ARHGAP30: variants seen among roughly 807,000 people sequenced by gnomAD.
ARHGAP30 encodes Rho GTPase activating protein 30, also known as rho GTPase-activating protein 30.
A neutral mutation model predicts 72.0 loss-of-function variants in ARHGAP30; 23 were observed. The observed-to-expected ratio is 0.32, with a 90% confidence interval of 0.23 to 0.45. The LOEUF (loss-of-function observed/expected upper bound fraction) is 0.45, where lower values mean the gene tolerates loss of function less well. Among genes scored for constraint, ARHGAP30 ranks in the 20% least tolerant of loss-of-function variants. ARHGAP30 has a pLI of 1.00. For synonymous variants in ARHGAP30, 576 were observed against 528.2 expected (o/e 1.09, Z -1.24); for missense variants, 1,319 against 1,383.4 (o/e 0.95, Z 0.74).
At chr1:161,064,851 AAAGGAAGGAGAGG>A (rs1652642404) in intron 1 of ARHGAP30, among the ~76,000 whole-genome samples, 1 of 80,280 alleles carries the variant, frequency 1.2e-5, no homozygotes, top group African/African-American at 4.0e-5. Context: ...GAAAGAAAGG[AAAGGAAGGAGAGG>A]AAGGAGAGGA....
chr1:161,053,021 C>T lies in ARHGAP30; in HGVS notation c.665-224G>A, dbSNP rs551436399. 4 of 834,724 alleles carry T rather than the reference C, an allele frequency of 4.8e-6. No homozygotes were observed. In the South Asian group the frequency reaches 7.3e-5, roughly 15 times the overall value. The allele number at this position is 834,724 out of a possible 1,614,324, so 51.7% of individuals were successfully genotyped here. Reference sequence around the variant, plus strand: ...TGGTGGGCTGGGGGTGGATATGAGCCATCACTAGCCTTGGGAGCCAGGATG... The same window carrying T: ...TGGTGGGCTGGGGGTGGATATGAGCTATCACTAGCCTTGGGAGCCAGGATG... On this transcript the variant is annotated intron_variant, in intron 6 of 11. Transcript: ENST00000368013.
In ARHGAP30 at chr1:161,047,261, G is replaced by A. The variant is rs1650910871; in HGVS notation, c.*454C>T. On this transcript the variant is annotated 3_prime_UTR_variant, in exon 12 of 12. Coordinates refer to ENST00000368013, the MANE Select transcript of ARHGAP30 (RefSeq NM_001025598.2). ...TTAAAAGGGACAGGAGGTATCTTAG[G>A]GTCCAAGAACATAACAGGAATGGGC... 9.4e-6 allele frequency: 2 copies of A among 211,954 alleles called. No individual in the cohort carries two copies. Among genetic ancestry groups the A allele is most frequent in the Non-Finnish European group, 1.1e-5 (1 of 94,046 alleles). The allele number at this position is 211,954 out of a possible 1,614,324, so 13.1% of individuals were successfully genotyped here.
At chr1:161,050,295 CTTT>C (rs34136308) in intron 10 of ARHGAP30, among the ~76,000 whole-genome samples, 2 of 118,614 alleles carry the variant, frequency 1.7e-5, no homozygotes, top group Non-Finnish European at 3.5e-5. Context: ...GCACTTGGAC[CTTT>C]TTTTTTTTTT....
chr1:161,054,698 A>ACAGCCTC lies in ARHGAP30; in HGVS notation c.346_352dup (p.Val118GlyfsTer10). 1 of 1,613,958 alleles carries ACAGCCTC rather than the reference A, an allele frequency of 6.2e-7. No individual in the cohort carries two copies. The highest frequency in any genetic ancestry group is 8.5e-7 in the Non-Finnish European group (1 of 1,179,986). On this transcript the variant is annotated frameshift_variant, in exon 4 of 12. Transcript: ENST00000368013. LOFTEE classifies it high-confidence loss of function. Reference sequence around the variant, plus strand: ...GCGCTCAGGTTCCAATTGCACTCCTACAGCCTCCTGATTGAGAAGAGTGCA... The same window carrying ACAGCCTC: ...GCGCTCAGGTTCCAATTGCACTCCTACAGCCTCCAGCCTCCTGATTGAGAAGAGTGCA...
In ARHGAP30 at chr1:161,052,776, C is replaced by T; in HGVS notation, c.686G>A (p.Trp229Ter). The T allele has an allele frequency of 6.2e-7, 1 of 1,611,576 alleles. No homozygotes were observed. The highest frequency in any genetic ancestry group is 8.5e-7 in the Non-Finnish European group (1 of 1,179,876). The change falls in exon 7 of 12, where the codon TGG (tryptophan) becomes TAG (stop). Residue 229 changes from tryptophan (W) to a stop codon, truncating the protein, a stop_gained. Coordinates refer to ENST00000368013, the MANE Select transcript of ARHGAP30 (RefSeq NM_001025598.2). LOFTEE classifies it high-confidence loss of function. Reference protein sequence around the residue: ...ALSGGEVESGWRSLPGTRASG... With the variant: ...ALSGGEVESG ...TGCCCGGGTCCCTGGAAGCGATCGC[C>T]ACCCACTCTCCACCTCACCACCTGG...
chr1:161,052,053 ACC>A (rs1207125788), intron 9 of ARHGAP30, among the ~76,000 whole-genome samples: 11 of 18,180 alleles, frequency 6.1e-4, no homozygotes, highest in East Asian at 1.2e-3. Flanking sequence ...CACCACCACC[ACC>A]ACCACATACC....
At position 161,053,296 on chromosome 1, in the gene ARHGAP30, G is replaced by A. The variant is rs750089448; in HGVS notation, c.626C>T (p.Thr209Ile). The change falls in exon 6 of 12, where the codon ACA becomes ATA. Residue 209 changes from threonine to isoleucine, a missense_variant. Physicochemically the swap from Thr to Ile is moderately conservative, Grantham distance 89 (BLOSUM62 -1). Coordinates refer to ENST00000368013, the MANE Select transcript of ARHGAP30 (RefSeq NM_001025598.2). ...VQSIVVEFIL[T>I]HVDQLFGGAA... ...ACCCCCAAAGAGCTGGTCCACGTGT[G>A]TGAGGATGAACTCCACGACGATGGA... 7.7e-5 allele frequency: 124 copies of A among 1,613,908 alleles called. No homozygotes were observed. The highest frequency in any genetic ancestry group is 1.0e-4 in the Non-Finnish European group (123 of 1,180,026).
chr1:161,055,043 G>C (rs1001823008), intron 3 of ARHGAP30, among the ~76,000 whole-genome samples: 2 of 152,142 alleles, frequency 1.3e-5, no homozygotes, highest in African/African-American at 2.4e-5. Flanking sequence ...GTGTGTCCAG[G>C]AAAGCTGTCC....
chr1:161,055,311 G>A (rs182916425), intron 3 of ARHGAP30, among the ~76,000 whole-genome samples: 105 of 152,246 alleles, frequency 6.9e-4, no homozygotes, highest in African/African-American at 2.5e-3. Context: ...GGGCAACACA[G>A]CAAGACCTTG....
chr1:161,047,596 G>A lies in ARHGAP30; in HGVS notation c.*119C>T. 2.6e-6 allele frequency: 3 copies of A among 1,133,814 alleles called. No individual in the cohort carries two copies. Among genetic ancestry groups the A allele is most frequent in the Non-Finnish European group, 3.6e-6 (3 of 839,286 alleles). 70.2% of individuals were successfully genotyped at this position (1,133,814 alleles called of 1,614,324 possible). A position where few individuals can be genotyped will look rare whatever the true frequency, so the allele number is the denominator to read the frequency against. On this transcript the variant is annotated 3_prime_UTR_variant, in exon 12 of 12. Coordinates refer to ENST00000368013, the MANE Select transcript of ARHGAP30 (RefSeq NM_001025598.2). ...CACAGTCAAAGAGAGAAGCTGGAGG[G>A]CCAAAGCCTATAGAGTTGGGCACTA...
chr1:161,048,206 C>A lies in ARHGAP30; in HGVS notation c.2815G>T (p.Val939Leu). The A allele has an allele frequency of 6.2e-7, 1 of 1,614,188 alleles. No homozygotes were observed. Among genetic ancestry groups the A allele is most frequent in the African/African-American group, 1.3e-5 (1 of 75,052 alleles). Residue 939 changes from valine (V) to leucine (L), a missense_variant, in exon 12 of 12, where the codon GTG becomes TTG. Physicochemically the swap from Val to Leu is conservative, Grantham distance 32. Coordinates refer to ENST00000368013, the MANE Select transcript of ARHGAP30 (RefSeq NM_001025598.2). ...GCAAACTGTGGCTTGGGGGGCACCA[C>A]AGGCACAGAGCGGACCTGTTGGACC... is the stretch of plus-strand genomic sequence containing the variant. ...VQVQQVRSVP[V>L]VPPKPQFAKM...
At chr1:161,052,197 A>T in intron 9 of ARHGAP30, 89 bp downstream of exon 9, 1 of 1,440,736 alleles carries the variant, frequency 6.9e-7, no homozygotes. Flanking sequence ...TTTTGAAATT[A>T]TTGAACACAG....
chr1:161,055,123 T>C lies in ARHGAP30; in HGVS notation c.346-418A>G, dbSNP rs530214685. On this transcript the variant is annotated intron_variant, in intron 3 of 11. Coordinates refer to ENST00000368013, the MANE Select transcript of ARHGAP30 (RefSeq NM_001025598.2). ...GATTTAGGGTCTCTCAGTGCTCTTA[T>C]GCTCAATAAAGTGCAACTTATTTTT... Among the ~76,000 whole-genome samples the C allele has an allele frequency of 2.6e-5, 4 of 152,344 alleles. No individual in the cohort carries two copies. The South Asian group carries it at 6.2e-4, about 24-fold the overall frequency.
intron 1 of ARHGAP30, among the ~76,000 whole-genome samples, chr1:161,066,545 G>A (rs1292185770): frequency 1.3e-5 from 2 of 150,468 alleles, no homozygotes; most frequent in African/African-American, 2.5e-5. Context: ...TCGAGAGGCT[G>A]AGGCAGGGAG....
At chr1:161,053,001 G>T in intron 6 of ARHGAP30, 2 of 868,290 alleles carry the variant, frequency 2.3e-6, no homozygotes, top group Non-Finnish European at 3.4e-6. Flanking sequence ...TGGCCTGGTG[G>T]GCTGGGGGTG....
chr1:161,049,631 G>T lies in ARHGAP30; in HGVS notation c.1479C>A (p.Asp493Glu). The change falls in exon 11 of 12, where the codon GAC (aspartate) becomes GAA (glutamate). Residue 493 changes from aspartate to glutamate, a missense_variant. Asp to Glu is a conservative substitution (Grantham distance 45). Transcript: ENST00000368013. ...GCGAGTCCTCCAGGGCAGGAGCCAA[G>T]TCGTCTGGGCCTGAGTCTGCCAGGG... ...SSPLADSGPD[D>E]LAPALEDSLS... 6.2e-7 allele frequency: 1 copy of T among 1,614,068 alleles called. No homozygotes were observed. The highest frequency in any genetic ancestry group is 8.5e-7 in the Non-Finnish European group (1 of 1,179,962).
chr1:161,052,026 AC>A (rs1445690598), intron 9 of ARHGAP30, among the ~76,000 whole-genome samples: 9,146 of 75,990 alleles, frequency 0.12, 2,089 homozygotes, highest in Admixed American at 0.15. Flanking sequence ...CACCACCACC[AC>A]CACCACCACC....
chr1:161,048,441 G>T lies in ARHGAP30; in HGVS notation c.2580C>A (p.Thr860=). The T allele has an allele frequency of 6.2e-7, 1 of 1,613,992 alleles. No homozygotes were observed. The highest frequency in any genetic ancestry group is 8.5e-7 in the Non-Finnish European group (1 of 1,179,998). ...RAGGYYLEED[T]LSEGSGVASL... is the part of the protein sequence containing the mutation. ...ACGCTACACCTGAACCTTCAGAGAG[G>T]GTGTCCTCTTCTAAATAGTACCCTC... is the stretch of plus-strand genomic sequence containing the variant. The change falls in exon 12 of 12, where the codon ACC becomes ACA. Residue 860 remains threonine (T), a synonymous_variant. Transcript: ENST00000368013.
rs899723795 is a variant in ARHGAP30 at position 161,061,825 on chromosome 1, C to T, written c.98-2109G>A. ...AAAAATGGCCAGGCGTGGTGGCTCA[C>T]GCCTGTAATCCCAGCACTTTGGGAG... On this transcript the variant is annotated intron_variant, in intron 1 of 11. Transcript: ENST00000368013. Among the ~76,000 whole-genome samples, 42 of 152,250 alleles carry T rather than the reference C, an allele frequency of 2.8e-4. 1 individual carries two copies. Among genetic ancestry groups the T allele is most frequent in the African/African-American group, 8.7e-4 (36 of 41,550 alleles).
Sources: allele counts gnomAD v4.1 joint callset (sites outside exome capture counted in the v4.1 genomes callset), GRCh38; gene constraint gnomAD v4.1.1; transcripts MANE v1.5; gene names NCBI Gene and HGNC (gene_info 2026-07-23, HGNC 2026-07-21).